The following MAOB variants were observed in gnomAD, a reference collection of about 807,000 sequenced individuals.
MAOB encodes monoamine oxidase B.
MAOB carries 15 observed loss-of-function variants against 41.9 expected under a neutral mutation model. That is an observed-to-expected ratio of 0.36 (90% confidence interval 0.24 to 0.55). The LOEUF is 0.55. MAOB is among the 20% of genes least tolerant of loss of function. The probability of loss-of-function intolerance (pLI) is 0.86; values close to 1 mark genes in which losing one functional copy is unlikely to be tolerated. For missense variants in MAOB, 345 were observed against 398.7 expected (o/e 0.87, Z 1.15); for synonymous variants, 167 against 144.2 (o/e 1.16, Z -1.13).
chrX:43,768,423 A>G (rs1273128453), intron 14 of MAOB, among the ~76,000 whole-genome samples: 1 of 111,142 alleles, frequency 9.0e-6, no homozygotes. Flanking sequence ...CTCATCAAAA[A>G]ATATTTTTTC....
chrX:43,857,118 G>T (rs7057957), intron 1 of MAOB, among the ~76,000 whole-genome samples: 699 of 7,658 alleles, frequency 0.091, 10 homozygotes, highest in East Asian at 0.25. Flanking sequence ...TATATATATA[G>T]AGAGAGAGAG....
At chrX:43,875,963 T>A (rs772821747) in intron 1 of MAOB, among the ~76,000 whole-genome samples, 2 of 110,663 alleles carry the variant, frequency 1.8e-5, no homozygotes, top group African/African-American at 3.3e-5. Flanking sequence ...TTATTAATTA[T>A]TTATTTATTT....
In MAOB at chrX:43,860,973, A is replaced by G. The variant is rs181096237; in HGVS notation, c.47-17209T>C. On this transcript the variant is annotated intron_variant, in intron 1 of 14. Transcript: ENST00000378069. ...TGAATGTTCTCTCTAAGGAAGAGGT[A>G]TTTCCTGACTCTGCTTCATTACTGC... 3.9e-3 allele frequency among the ~76,000 whole-genome samples: 433 copies of G among 112,331 alleles called. 4 individuals carry two copies. Among genetic ancestry groups the G allele is most frequent in the Non-Finnish European group, 6.9e-3 (368 of 53,204 alleles).
chrX:43,842,915 G>A (rs908473201), intron 2 of MAOB, among the ~76,000 whole-genome samples: 1 of 111,202 alleles, frequency 9.0e-6, no homozygotes, highest in Admixed American at 9.6e-5. Flanking sequence ...AGAACTGAGG[G>A]AATGAGGAGT....
At chrX:43,882,192 C>A in intron 1 of MAOB, 62 bp downstream of exon 1, 1 of 1,192,448 alleles carries the variant, frequency 8.4e-7, no homozygotes, top group Admixed American at 2.3e-5. Context: ...CCCCGCGTCT[C>A]CCCCAGGCAG....
intron 1 of MAOB, among the ~76,000 whole-genome samples, chrX:43,865,055 A>C (rs2035356368): frequency 1.8e-5 from 2 of 112,146 alleles, no homozygotes; most frequent in Non-Finnish European, 3.8e-5. Context: ...CCGGGTATAT[A>C]CCGAAGAGAA....
chrX:43,845,472 C>T (rs1223295936), intron 1 of MAOB, among the ~76,000 whole-genome samples: 1 of 112,194 alleles, frequency 8.9e-6, no homozygotes, highest in Non-Finnish European at 1.9e-5. Flanking sequence ...TCTACGACCC[C>T]ATGAGATAAG....
chrX:43,777,707 G>T (rs1270518136), intron 11 of MAOB, among the ~76,000 whole-genome samples: 1 of 111,654 alleles, frequency 9.0e-6, no homozygotes, highest in Non-Finnish European at 1.9e-5. Context: ...ACAGAGACTT[G>T]GATTTAAGAG....
intron 3 of MAOB, among the ~76,000 whole-genome samples, chrX:43,824,815 C>CA (rs1209657774): frequency 8.8e-6 from 1 of 113,485 alleles, no homozygotes; most frequent in Admixed American, 9.2e-5. Flanking sequence ...TGCACGTGCA[C>CA]ACACACATGC....
chrX:43,782,233 C>T (rs955777962), intron 8 of MAOB, among the ~76,000 whole-genome samples: 6 of 110,259 alleles, frequency 5.4e-5, no homozygotes, highest in East Asian at 2.8e-4. Context: ...AAAAATAGAC[C>T]GCTAGCCAGA....
chrX:43,831,004 T>A (rs1218554781), intron 3 of MAOB, among the ~76,000 whole-genome samples: 3 of 103,962 alleles, frequency 2.9e-5, no homozygotes, highest in African/African-American at 1.0e-4. Context: ...AGTGTGTGTG[T>A]GTGTGTGTGT....
At position 43,854,824 on chromosome X, in the gene MAOB, G is replaced by A. The variant is rs1347187581; in HGVS notation, c.47-11060C>T. Reference sequence around the variant, plus strand: ...TGAGAAATAAAGCTTCCTGAACTTCGCATCAAAAAATCAGCCATTGCCAAG... The same window carrying A: ...TGAGAAATAAAGCTTCCTGAACTTCACATCAAAAAATCAGCCATTGCCAAG... On this transcript the variant is annotated intron_variant, in intron 1 of 14. Coordinates refer to ENST00000378069, the MANE Select transcript of MAOB (RefSeq NM_000898.5). Among the ~76,000 whole-genome samples, 9 of 111,427 alleles carry A rather than the reference G, an allele frequency of 8.1e-5. 1 individual carries two copies. Among genetic ancestry groups the A allele is most frequent in the Admixed American group, 1.9e-4 (2 of 10,508 alleles).
At chrX:43,873,566 G>C (rs771432330) in intron 1 of MAOB, among the ~76,000 whole-genome samples, 1 of 111,794 alleles carries the variant, frequency 8.9e-6, no homozygotes, top group East Asian at 2.8e-4. Context: ...ATTAAATGGA[G>C]ACTATGGTAA....
chrX:43,841,704 A>C (rs1318277414), intron 2 of MAOB, among the ~76,000 whole-genome samples: 1 of 112,234 alleles, frequency 8.9e-6, no homozygotes, highest in Admixed American at 9.5e-5. Flanking sequence ...CTGACATAAA[A>C]ACAGACTCAC....
intron 3 of MAOB, among the ~76,000 whole-genome samples, chrX:43,836,560 T>C (rs1476505653): frequency 8.9e-6 from 1 of 112,274 alleles, no homozygotes; most frequent in Non-Finnish European, 1.9e-5. Flanking sequence ...TATACACATA[T>C]GCATGTGCAT....
intron 1 of MAOB, among the ~76,000 whole-genome samples, chrX:43,856,578 G>T (rs1455323907): frequency 8.9e-6 from 1 of 111,792 alleles, no homozygotes; most frequent in Non-Finnish European, 1.9e-5. Context: ...ATTACTGTTA[G>T]CCTACCGTTA....
At chrX:43,814,551 T>G (rs940610062) in intron 3 of MAOB, among the ~76,000 whole-genome samples, 4 of 112,410 alleles carry the variant, frequency 3.6e-5, no homozygotes, top group African/African-American at 1.3e-4. Flanking sequence ...TACTTGCCCA[T>G]GTTATCTTGA....
At chrX:43,775,335 A>T in intron 11 of MAOB, 63 bp from the exon 12 acceptor site, 1 of 1,163,224 alleles carries the variant, frequency 8.6e-7, no homozygotes, top group South Asian at 2.0e-5. Flanking sequence ...CCTAGAATAA[A>T]TCGAACAGTT....
chrX:43,879,757 T>C (rs1217673371), intron 1 of MAOB, among the ~76,000 whole-genome samples: 1 of 112,125 alleles, frequency 8.9e-6, no homozygotes, highest in Non-Finnish European at 1.9e-5. Flanking sequence ...CTTTCTGATA[T>C]ACAAGCCTCC....
Sources: allele counts gnomAD v4.1 joint callset (sites outside exome capture counted in the v4.1 genomes callset), GRCh38; gene constraint gnomAD v4.1.1; transcripts MANE v1.5; gene names NCBI Gene and HGNC (gene_info 2026-07-23, HGNC 2026-07-21).